The following CDKAL1 variants were observed in gnomAD, a reference collection of about 807,000 sequenced individuals.
The protein encoded by CDKAL1 is CDKAL1 threonylcarbamoyladenosine tRNA methylthiotransferase.
CDKAL1 carries 32 observed loss-of-function variants against 68.2 expected under a neutral mutation model. The ratio of observed to expected loss-of-function variants is 0.47; its 90% CI spans 0.35 to 0.63. The LOEUF (loss-of-function observed/expected upper bound fraction) is 0.63. Among genes scored for constraint, CDKAL1 ranks in the 30% least tolerant of loss-of-function variants. The pLI is 0.00. For synonymous variants in CDKAL1, 234 were observed against 244.3 expected (o/e 0.96, Z 0.39); for missense variants, 606 against 696.7 (o/e 0.87, Z 1.47).
At chr6:20,551,495 G>A (rs1325240614) in intron 4 of CDKAL1, among the ~76,000 whole-genome samples, 1 of 151,626 alleles carries the variant, frequency 6.6e-6, no homozygotes, top group African/African-American at 2.4e-5. Flanking sequence ...AGCCTCTCGA[G>A]TAGCTGGGAC....
At chr6:20,644,342 A>G (rs1323041445) in intron 4 of CDKAL1, among the ~76,000 whole-genome samples, 1 of 152,070 alleles carries the variant, frequency 6.6e-6, no homozygotes, top group Non-Finnish European at 1.5e-5. Flanking sequence ...ATAATATTAA[A>G]TAAGATGTCC....
At chr6:20,593,616 A>AAC (rs1765690312) in intron 4 of CDKAL1, among the ~76,000 whole-genome samples, 4 of 129,200 alleles carry the variant, frequency 3.1e-5, no homozygotes, top group African/African-American at 1.2e-4. Flanking sequence ...AAAAAAAAAA[A>AAC]AAGAAACCCA....
rs532267698 is a variant in CDKAL1, at chr6:21,086,156, A to G, written c.1236+20928A>G. Among the ~76,000 whole-genome samples the G allele has an allele frequency of 1.6e-4, 25 of 152,326 alleles. 1 individual carries two copies. In the South Asian group the frequency reaches 5.2e-3, roughly 32 times the overall value. ...ATGATTGTTTTTATCCCCACTTTAC[A>G]TAAGAGGAAACTGAGGCACAAAGAG... On this transcript the variant is annotated intron_variant, in intron 12 of 15. Coordinates refer to ENST00000274695, the MANE Select transcript of CDKAL1 (RefSeq NM_017774.3).
intron 5 of CDKAL1, among the ~76,000 whole-genome samples, chr6:20,727,144 A>G (rs1360059160): frequency 6.6e-6 from 1 of 152,180 alleles, no homozygotes; most frequent in East Asian, 1.9e-4. Flanking sequence ...GAAAAATGCC[A>G]TGCCAGCCAG....
chr6:21,018,566 A>C (rs946613663), intron 11 of CDKAL1, among the ~76,000 whole-genome samples: 1 of 152,248 alleles, frequency 6.6e-6, no homozygotes, highest in African/African-American at 2.4e-5. Flanking sequence ...GTTTGGAATA[A>C]GCTTCTGCCT....
chr6:20,783,824 C>A (rs1581573359), intron 8 of CDKAL1, among the ~76,000 whole-genome samples: 2 of 152,164 alleles, frequency 1.3e-5, no homozygotes, highest in African/African-American at 4.8e-5. Flanking sequence ...GTGTTTAGTA[C>A]AAAGTGAGTA....
intron 11 of CDKAL1, among the ~76,000 whole-genome samples, chr6:21,009,433 G>GA (rs1253401256): frequency 1.3e-5 from 2 of 152,174 alleles, no homozygotes; most frequent in African/African-American, 4.8e-5. Context: ...GTCACTGGGT[G>GA]AGGGGATCAA....
At position 20,721,725 on chromosome 6, in the gene CDKAL1, G is replaced by GTTTTTTTT. The variant is rs145893325; in HGVS notation, c.372-17776_372-17769dup. On this transcript the variant is annotated intron_variant, in intron 5 of 15. Transcript: ENST00000274695. ...CTTCTCTGCACCCTGACCAACTTCT[G>GTTTTTTTT]TTTTTTTTTTTTTTTTTTTTTTTTT... Among the ~76,000 whole-genome samples the GTTTTTTTT allele has an allele frequency of 3.3e-4, 22 of 67,378 alleles. 2 individuals carry two copies. Among genetic ancestry groups the GTTTTTTTT allele is most frequent in the African/African-American group, 9.6e-4 (16 of 16,682 alleles). The allele number at this position is 67,378 out of a possible 152,430, so 44.2% of individuals were successfully genotyped here. A position where few individuals can be genotyped will look rare whatever the true frequency, so the allele number is the denominator to read the frequency against.
At chr6:20,829,459 C>T (rs1777624506) in intron 8 of CDKAL1, among the ~76,000 whole-genome samples, 1 of 152,106 alleles carries the variant, frequency 6.6e-6, no homozygotes, top group South Asian at 2.1e-4. Flanking sequence ...ACAAGTATTA[C>T]AGATTCGTTA....
chr6:20,977,065 G>T (rs973244309), intron 10 of CDKAL1, among the ~76,000 whole-genome samples: 2 of 152,062 alleles, frequency 1.3e-5, no homozygotes, highest in Admixed American at 6.5e-5. Context: ...TAATAAAATT[G>T]CCCATCATGT....
chr6:20,556,093 G>A lies in CDKAL1; in HGVS notation c.286+7388G>A, dbSNP rs891706416. Among the ~76,000 whole-genome samples, 4 of 152,020 alleles carry A rather than the reference G, an allele frequency of 2.6e-5. No homozygotes were observed. In the East Asian group the frequency reaches 7.8e-4, roughly 30 times the overall value. Reference sequence around the variant, plus strand: ...AGTAAGCTGTTTCTTGGCCGGGTGCGATCGCTGTCGCCTGTAATCCCTGCA... The same window carrying A: ...AGTAAGCTGTTTCTTGGCCGGGTGCAATCGCTGTCGCCTGTAATCCCTGCA... On this transcript the variant is annotated intron_variant, in intron 4 of 15. Transcript: ENST00000274695.
intron 11 of CDKAL1, among the ~76,000 whole-genome samples, chr6:21,027,793 C>T (rs565756124): frequency 7.9e-4 from 121 of 152,278 alleles, no homozygotes; most frequent in Non-Finnish European, 1.3e-3. Flanking sequence ...TCTGTTACAG[C>T]AGCAGGAAAC....
intron 9 of CDKAL1, among the ~76,000 whole-genome samples, chr6:20,908,945 A>G (rs1762344148): frequency 6.6e-6 from 1 of 152,218 alleles, no homozygotes; most frequent in Non-Finnish European, 1.5e-5. Flanking sequence ...CTTGGGTGTC[A>G]TGCTACACTA....
chr6:20,694,533 G>T (rs929342864), intron 5 of CDKAL1, among the ~76,000 whole-genome samples: 1 of 152,082 alleles, frequency 6.6e-6, no homozygotes, highest in African/African-American at 2.4e-5. Flanking sequence ...TTGTTATGAG[G>T]CATCAACTCA....
At chr6:20,892,252 G>A (rs557707537) in intron 9 of CDKAL1, among the ~76,000 whole-genome samples, 1 of 152,292 alleles carries the variant, frequency 6.6e-6, no homozygotes, top group South Asian at 2.1e-4. Flanking sequence ...GGGAGAGGGA[G>A]AGAGACTGAA....
chr6:21,222,528 C>A (rs1779575810), intron 15 of CDKAL1, among the ~76,000 whole-genome samples: 2 of 152,190 alleles, frequency 1.3e-5, no homozygotes, highest in South Asian at 4.1e-4. Flanking sequence ...TTTTAACTGA[C>A]TTCAAGATAA....
chr6:20,747,483 C>A (rs578112760), intron 6 of CDKAL1, among the ~76,000 whole-genome samples: 1 of 152,284 alleles, frequency 6.6e-6, no homozygotes, highest in South Asian at 2.1e-4. Context: ...TCTACTTCCT[C>A]GCTGACACTC....
chr6:21,035,522 T>C (rs938097370), intron 11 of CDKAL1, among the ~76,000 whole-genome samples: 2 of 152,130 alleles, frequency 1.3e-5, no homozygotes, highest in African/African-American at 4.8e-5. Context: ...TCAGCAAGCT[T>C]GTGTGTGTAT....
chr6:21,094,284 T>G (rs919462269), intron 12 of CDKAL1, among the ~76,000 whole-genome samples: 1 of 152,132 alleles, frequency 6.6e-6, no homozygotes, highest in Non-Finnish European at 1.5e-5. Flanking sequence ...CTTGGCAATA[T>G]GGAGGTAAAT....
Sources: gnomAD v4.1 joint callset for allele counts (sites outside exome capture counted in the v4.1 genomes callset) on GRCh38, gnomAD v4.1.1 for gene constraint, MANE v1.5 for transcripts, NCBI Gene and HGNC (gene_info 2026-07-23, HGNC 2026-07-21) for gene names.